MYLK3: variants seen among roughly 807,000 people sequenced by gnomAD.
MYLK3 encodes myosin light chain kinase 3.
Under a neutral mutation model 76.3 loss-of-function variants are expected in MYLK3, and 55 were observed. The observed-to-expected ratio is 0.72, with a 90% CI of 0.58 to 0.90. The LOEUF is 0.90. Ranked by LOEUF, MYLK3 falls within the 40% of genes least tolerant of loss-of-function variation. The probability of loss-of-function intolerance (pLI) is 0.00; values close to 1 mark genes in which losing one functional copy is unlikely to be tolerated. For missense variants in MYLK3, 973 were observed against 1,053.6 expected, an observed-to-expected ratio of 0.92 and a Z score of 1.06; for synonymous variants, 416 against 425.4, an observed-to-expected ratio of 0.98 and a Z score of 0.27.
intron 8 of MYLK3, among the ~76,000 whole-genome samples, chr16:46,724,442 T>A (rs573312002): frequency 1.3e-5 from 2 of 152,226 alleles, no homozygotes; most frequent in East Asian, 3.8e-4. Context: ...TACATTTACG[T>A]CTACAATCCA....
At chr16:46,747,680 C>A in intron 1 of MYLK3, 37 bp downstream of exon 1, 1 of 1,580,082 alleles carries the variant, frequency 6.3e-7, no homozygotes, top group Non-Finnish European at 8.6e-7. Flanking sequence ...AGGGCCGGGG[C>A]CTCCCATCCA....
intron 1 of MYLK3, among the ~76,000 whole-genome samples, chr16:46,753,740 GTC>G (rs1179360344): frequency 2.0e-5 from 3 of 152,056 alleles, no homozygotes; most frequent in Admixed American, 6.6e-5. Flanking sequence ...GGGAGACCCT[GTC>G]TCTACAAAAA....
chr16:46,746,401 C>A (rs1222864055), intron 1 of MYLK3, among the ~76,000 whole-genome samples: 1 of 152,032 alleles, frequency 6.6e-6, no homozygotes. Flanking sequence ...ATATGGAGGG[C>A]TGACTATAAT....
At chr16:46,750,078 T>C (rs1967102898), upstream of MYLK3, among the ~76,000 whole-genome samples, 1 of 152,232 alleles carries the variant, frequency 6.6e-6, no homozygotes, top group South Asian at 2.1e-4. Context: ...GGATTCACCG[T>C]GCACCTCAGG....
intron 3 of MYLK3, among the ~76,000 whole-genome samples, chr16:46,733,417 T>C (rs895348583): frequency 2.0e-5 from 3 of 152,204 alleles, no homozygotes; most frequent in Admixed American, 2.0e-4. Context: ...TCTGTTCATC[T>C]TGAACAAACA....
At position 46,748,185 on chromosome 16, in the gene MYLK3, T is replaced by A; in HGVS notation, c.9A>T (p.Gly3=). The A allele has an allele frequency of 2.5e-6, 4 of 1,612,120 alleles. No individual in the cohort carries two copies. The highest frequency in any genetic ancestry group is 3.4e-6 in the Non-Finnish European group (4 of 1,178,724). The change falls in exon 1 of 13, where the codon GGA becomes GGT. Residue 3 remains glycine (G), a synonymous_variant. Coordinates refer to ENST00000394809, the MANE Select transcript of MYLK3 (RefSeq NM_182493.3). The surrounding 1 kb of genome is among the most constrained non-coding windows in gnomAD (Gnocchi z 4.3). The part of the protein sequence containing the change: MS[G]TSKESLGHGG... ...CATGCCCCAGACTCTCCTTGGAGGTTCCTGACATGCTGGTGCAGGCTTGAC... is the reference window on the plus strand; with the variant it reads ...CATGCCCCAGACTCTCCTTGGAGGTACCTGACATGCTGGTGCAGGCTTGAC...
In MYLK3 at chr16:46,715,151, T is replaced by C. The variant is rs181770640; in HGVS notation, c.1986-2375A>G. Among the ~76,000 whole-genome samples the C allele has an allele frequency of 1.7e-3, 256 of 152,332 alleles. 5 individuals carry two copies. The highest frequency in any genetic ancestry group is 4.5e-3 in the Admixed American group (69 of 15,308). On this transcript the variant is annotated intron_variant, in intron 9 of 12. Coordinates refer to ENST00000394809, the MANE Select transcript of MYLK3 (RefSeq NM_182493.3). ...AGCAATGGAGTCTGAATATTTAGTA[T>C]CTTCTATTTTAATATAATTTCTTTA... is the stretch of plus-strand genomic sequence containing the variant.
At chr16:46,734,562 A>G (rs1966859915) in intron 3 of MYLK3, among the ~76,000 whole-genome samples, 1 of 152,108 alleles carries the variant, frequency 6.6e-6, no homozygotes, top group African/African-American at 2.4e-5. Context: ...TGGAGTTTGC[A>G]GTGAGTTGAG....
intron 2 of MYLK3, 90 bp from the exon 3 acceptor site, chr16:46,738,233 G>A: frequency 8.3e-7 from 1 of 1,208,266 alleles, no homozygotes; most frequent in Non-Finnish European, 1.1e-6. Context: ...AGGCCATTCA[G>A]TGCTCAGGTT....
upstream of MYLK3, among the ~76,000 whole-genome samples, chr16:46,750,046 C>G (rs1250912642): frequency 1.3e-5 from 2 of 152,228 alleles, no homozygotes. Context: ...TGAGGGGTAA[C>G]CCTGTGTTCC....
intron 8 of MYLK3, among the ~76,000 whole-genome samples, chr16:46,721,931 T>C (rs1326901040): frequency 1.3e-5 from 2 of 152,136 alleles, no homozygotes; most frequent in Non-Finnish European, 2.9e-5. Context: ...GCCTCAATCC[T>C]GACCAATTAC....
At chr16:46,753,649 G>A (rs1387018678) in intron 1 of MYLK3, among the ~76,000 whole-genome samples, 1 of 152,186 alleles carries the variant, frequency 6.6e-6, no homozygotes, top group African/African-American at 2.4e-5. Flanking sequence ...GGTGGCTCAC[G>A]CCTGTAAACC....
intron 7 of MYLK3, 28 bp downstream of exon 7, chr16:46,728,996 A>C (rs1292052823): frequency 6.4e-7 from 1 of 1,562,468 alleles, no homozygotes; most frequent in South Asian, 1.1e-5. Flanking sequence ...GCTTGAGCCG[A>C]GGCGGCCGCC....
In MYLK3 at chr16:46,737,988, G is replaced by T; in HGVS notation, c.724C>A (p.Leu242Met). ...GCCTTGGCTTCCACCTTTGTGGGCA[G>T]GGGCAGGTGGCCAGGGAATGCCTGG... is the stretch of plus-strand genomic sequence containing the variant. Reference protein sequence around the residue: ...PAQAFPGHLPLPTKVEAKAPE... With the variant: ...PAQAFPGHLPMPTKVEAKAPE... The change falls in exon 3 of 13, where the codon CTG (leucine) becomes ATG (methionine). Residue 242 changes from leucine (L) to methionine (M), a missense_variant. By Grantham distance (15) the Leu-to-Met change is conservative. This residue lies in a region of MYLK3 where 641 missense variants were observed against 637.0 expected (regional missense o/e 1.01). Transcript: ENST00000394809. 6.2e-7 allele frequency: 1 copy of T among 1,613,960 alleles called. No individual in the cohort carries two copies. The highest frequency in any genetic ancestry group is 8.5e-7 in the Non-Finnish European group (1 of 1,180,008).
intron 8 of MYLK3, among the ~76,000 whole-genome samples, chr16:46,725,136 A>G (rs1966836318): frequency 6.6e-6 from 1 of 152,170 alleles, no homozygotes; most frequent in South Asian, 2.1e-4. Context: ...TGATTTTTGT[A>G]TATTTGTCTT....
chr16:46,753,218 C>T (rs1275441858), upstream of MYLK3, among the ~76,000 whole-genome samples: 1 of 152,208 alleles, frequency 6.6e-6, no homozygotes, highest in Non-Finnish European at 1.5e-5. Context: ...CCCCGATACC[C>T]CCGGTAGGGT....
At chr16:46,711,758 A>G (rs1320625266) in intron 10 of MYLK3, 1 of 321,940 alleles carries the variant, frequency 3.1e-6, no homozygotes, top group African/African-American at 2.2e-5. Context: ...CAGGAAATCA[A>G]TTCCACCCCA....
In MYLK3 at chr16:46,747,439, G is replaced by A. The variant is rs563535600; in HGVS notation, c.477+278C>T. On this transcript the variant is annotated intron_variant, in intron 1 of 12. Coordinates refer to ENST00000394809, the MANE Select transcript of MYLK3 (RefSeq NM_182493.3). ...GTGTGGTGGTCCTCCCTCCCAAACC[G>A]CCAGCGTGTCCCCCACAGCTAGGTT... Among the ~76,000 whole-genome samples the A allele has an allele frequency of 8.5e-4, 130 of 152,320 alleles. 1 individual carries two copies. Among genetic ancestry groups the A allele is most frequent in the Non-Finnish European group, 1.3e-3 (90 of 68,026 alleles).
At chr16:46,718,511 C>T (rs1966767777) in intron 9 of MYLK3, among the ~76,000 whole-genome samples, 1 of 152,206 alleles carries the variant, frequency 6.6e-6, no homozygotes, top group South Asian at 2.1e-4. Flanking sequence ...AAGACCAGCA[C>T]TGAGGGTGTA....
Sources: gnomAD v4.1 joint callset for allele counts (sites outside exome capture counted in the v4.1 genomes callset) on GRCh38, gnomAD v4.1.1 for gene constraint, gnomAD v4.1.1 regional missense constraint, Gnocchi (gnomAD v3.1) non-coding constraint, MANE v1.5 for transcripts, NCBI Gene and HGNC (gene_info 2026-07-23, HGNC 2026-07-21) for gene names.